Variants in EFCAB12 observed in about 807,000 individuals in gnomAD.
EFCAB12 encodes the protein EF-hand calcium-binding domain-containing protein 12.
A neutral mutation model predicts 53.6 loss-of-function variants in EFCAB12; 43 were observed. That is an observed-to-expected ratio of 0.80 (90% CI 0.63 to 1.03). The LOEUF (loss-of-function observed/expected upper bound fraction) is 1.03, where lower values mean the gene tolerates loss of function less well. Ranked by LOEUF, EFCAB12 falls within the 50% of genes least tolerant of loss-of-function variation. The probability of loss-of-function intolerance (pLI) is 0.00; values close to 1 mark genes in which losing one functional copy is unlikely to be tolerated. For missense variants in EFCAB12, 646 were observed against 730.6 expected, an observed-to-expected ratio of 0.88 and a Z score of 1.34; for synonymous variants, 269 against 289.2, an observed-to-expected ratio of 0.93 and a Z score of 0.71.
At chr3:129,411,458 C>G in intron 4 of EFCAB12, 104 bp from the exon 5 acceptor site, 1 of 1,173,540 alleles carries the variant, frequency 8.5e-7, no homozygotes, top group Non-Finnish European at 1.2e-6. Flanking sequence ...CACCAGGCCA[C>G]CCCTCCGCTC....
intron 3 of EFCAB12, 93 bp downstream of exon 3, chr3:129,418,161 C>T (rs1053620702): frequency 3.9e-6 from 5 of 1,268,026 alleles, no homozygotes; most frequent in Non-Finnish European, 5.4e-6. Context: ...AACCAGAACC[C>T]AGCATGGCGG....
At chr3:129,418,481 G>C (rs766331589) in intron 2 of EFCAB12, 33 bp from the exon 3 acceptor site, 1 of 1,549,644 alleles carries the variant, frequency 6.5e-7, no homozygotes, top group East Asian at 2.3e-5. Context: ...GCAGAGGAGA[G>C]AGTTCAAAGG....
intron 8 of EFCAB12, 25 bp downstream of exon 8, chr3:129,402,498 G>C (rs748323822): frequency 6.2e-7 from 1 of 1,607,664 alleles, no homozygotes; most frequent in South Asian, 1.1e-5. Context: ...TTCCTTCCTT[G>C]TGGAGTTAGA....
intron 2 of EFCAB12, among the ~76,000 whole-genome samples, chr3:129,419,725 T>C (rs2072166380): frequency 6.6e-6 from 1 of 152,218 alleles, no homozygotes; most frequent in African/African-American, 2.4e-5. Flanking sequence ...TCATGAGGAC[T>C]TTCAGCCTCC....
At chr3:129,428,240 ATGGGTCGGGCCTC>A (rs1462237355) in intron 1 of EFCAB12, among the ~76,000 whole-genome samples, 187 bp downstream of exon 1, 2 of 152,170 alleles carry the variant, frequency 1.3e-5, no homozygotes, top group Non-Finnish European at 2.9e-5. Flanking sequence ...CTCCCGTCAC[ATGGGTCGGGCCTC>A]TGGTTCCTCC....
At chr3:129,423,909 C>T (rs1430933520) in intron 1 of EFCAB12, among the ~76,000 whole-genome samples, 1 of 152,144 alleles carries the variant, frequency 6.6e-6, no homozygotes, top group Non-Finnish European at 1.5e-5. Context: ...GTGACATGCT[C>T]TTCTCCCTCC....
At chr3:129,401,924 AC>A (rs1254334308) in intron 8 of EFCAB12, 73 bp from the exon 9 acceptor site, 1 of 1,527,612 alleles carries the variant, frequency 6.5e-7, no homozygotes, top group Non-Finnish European at 8.8e-7. Context: ...CGCAGAGCCC[AC>A]CAACTGTGAC....
chr3:129,401,729 G>T lies in EFCAB12; in HGVS notation c.1583C>A (p.Ala528Glu). 2 of 1,600,562 alleles carry T rather than the reference G, an allele frequency of 1.2e-6. No individual in the cohort carries two copies. Among genetic ancestry groups the T allele is most frequent in the Non-Finnish European group, 1.7e-6 (2 of 1,173,516 alleles). ...CTGGTGTTGAACACAACTGAAGAGC[G>T]CCAGGCTCCGGTCTGTGGCCACAGT... is the stretch of plus-strand genomic sequence containing the variant. The part of the protein sequence containing the change: ...LPTVATDRSL[A>E]LFSCVQHQPH... Residue 528 changes from alanine (A) to glutamate (E), a missense_variant, in exon 9 of 9, where the codon GCG becomes GAG. Ala to Glu is a moderately radical substitution (Grantham distance 107). Transcript: ENST00000505956.
intron 8 of EFCAB12, among the ~76,000 whole-genome samples, chr3:129,402,310 C>T (rs2071883159): frequency 6.6e-6 from 1 of 152,140 alleles, no homozygotes; most frequent in Non-Finnish European, 1.5e-5. Flanking sequence ...CTTAGTGTCA[C>T]TTCGTAGGGC....
chr3:129,406,922 A>G (rs2071960842), intron 6 of EFCAB12, among the ~76,000 whole-genome samples: 1 of 149,540 alleles, frequency 6.7e-6, no homozygotes, highest in African/African-American at 2.5e-5. Context: ...GTACAGTGGT[A>G]TGATCATAGC....
chr3:129,415,489 C>A lies in EFCAB12; in HGVS notation c.682-88G>T. 5.9e-6 allele frequency: 9 copies of A among 1,516,958 alleles called. No individual in the cohort carries two copies. The South Asian group carries it at 1.1e-4, about 19-fold the overall frequency. 94.0% of individuals were successfully genotyped at this position (1,516,958 alleles called of 1,614,324 possible). ...AAGGCCTTACCAGCCTCCTCAGACC[C>A]CCATCCTGCTTCCAGTTTCATCCTC... On this transcript the variant is annotated intron_variant, in intron 3 of 8. Coordinates refer to ENST00000505956, the MANE Select transcript of EFCAB12 (RefSeq NM_207307.3).
At chr3:129,416,418 A>AAAAC (rs139810830) in intron 3 of EFCAB12, among the ~76,000 whole-genome samples, 10,025 of 151,412 alleles carry the variant, frequency 0.066, 420 homozygotes, top group Non-Finnish European at 0.084. Flanking sequence ...GCTCCGTCTC[A>AAAAC]AAACAAACAA....
chr3:129,427,052 T>C (rs557053359), intron 1 of EFCAB12, among the ~76,000 whole-genome samples: 2 of 151,830 alleles, frequency 1.3e-5, no homozygotes, highest in East Asian at 1.9e-4. Flanking sequence ...TTTCATTGTG[T>C]TAGCCAGGAT....
intron 1 of EFCAB12, among the ~76,000 whole-genome samples, chr3:129,424,486 G>A (rs1264491090): frequency 6.6e-6 from 1 of 152,082 alleles, no homozygotes; most frequent in Non-Finnish European, 1.5e-5. Flanking sequence ...GCCTGTCTTT[G>A]CCTTCTGCCA....
chr3:129,408,555 G>T, intron 6 of EFCAB12, 90 bp downstream of exon 6: 1 of 1,359,252 alleles, frequency 7.4e-7, no homozygotes, highest in Non-Finnish European at 1.0e-6. Context: ...TGGCTTGAAT[G>T]GCTGCATGGG....
chr3:129,418,708 T>A (rs1410314790), intron 2 of EFCAB12, among the ~76,000 whole-genome samples: 3 of 152,116 alleles, frequency 2.0e-5, no homozygotes, highest in Non-Finnish European at 4.4e-5. Flanking sequence ...CTTATCCACA[T>A]CTCTCCTGTC....
rs746256785 is a variant in EFCAB12, at chr3:129,411,257, C to T, written c.936G>A (p.Thr312=). The T allele has an allele frequency of 5.6e-6, 9 of 1,613,662 alleles. No individual in the cohort carries two copies. The highest frequency in any genetic ancestry group is 4.0e-5 in the African/African-American group (3 of 74,918). The part of the protein sequence containing the change: ...APQLPKVDLL[T]VPAVDTQMET... The stretch of plus-strand genomic sequence containing the variant: ...CCATCTGCGTGTCGACTGCAGGCAC[C>T]GTCAGTAGGTCCACTTTGGGAAGCT... The change falls in exon 5 of 9, where the codon ACG becomes ACA. Residue 312 remains threonine (T), a synonymous_variant. Coordinates refer to ENST00000505956, the MANE Select transcript of EFCAB12 (RefSeq NM_207307.3).
chr3:129,407,672 G>A (rs1376378305), intron 6 of EFCAB12, among the ~76,000 whole-genome samples: 1 of 152,206 alleles, frequency 6.6e-6, no homozygotes, highest in Non-Finnish European at 1.5e-5. Flanking sequence ...CCAGCACTTT[G>A]GGAGGCCAAG....
At chr3:129,420,145 G>A (rs2072170543) in intron 2 of EFCAB12, among the ~76,000 whole-genome samples, 1 of 152,160 alleles carries the variant, frequency 6.6e-6, no homozygotes, top group African/African-American at 2.4e-5. Flanking sequence ...TATAATAACA[G>A]CAAGGACTGA....
Sources: gnomAD v4.1 joint callset for allele counts (sites outside exome capture counted in the v4.1 genomes callset) on GRCh38, gnomAD v4.1.1 for gene constraint, MANE v1.5 for transcripts, NCBI Gene and HGNC (gene_info 2026-07-23, HGNC 2026-07-21) for gene names.